The following UMAD1 variants were observed in gnomAD, a reference collection of about 807,000 sequenced individuals.
The protein encoded by UMAD1 is UBAP1-MVB12-associated (UMA)-domain containing protein 1.
A neutral mutation model predicts 6.1 loss-of-function variants in UMAD1; 8 were observed. The observed-to-expected ratio is 1.30, with a 90% CI of 0.76 to 2.35. UMAD1 has a LOEUF of 2.35. Among genes scored for constraint, UMAD1 ranks in the 30% most tolerant of loss-of-function variants. UMAD1 has a pLI of 0.00. For synonymous variants in UMAD1, 56 were observed against 31.4 expected, an observed-to-expected ratio of 1.78 and a Z score of -2.61; for missense variants, 130 against 78.4, an observed-to-expected ratio of 1.66 and a Z score of -2.49.
intron 2 of UMAD1, among the ~76,000 whole-genome samples, chr7:7,763,845 G>A (rs1223463957): frequency 6.6e-6 from 1 of 152,172 alleles, no homozygotes; most frequent in African/African-American, 2.4e-5. Context: ...AAATAATACA[G>A]CCTCTAGGAA....
At chr7:7,803,770 C>T (rs112542422) in intron 3 of UMAD1, among the ~76,000 whole-genome samples, 1 of 151,892 alleles carries the variant, frequency 6.6e-6, no homozygotes, top group Non-Finnish European at 1.5e-5. Context: ...CTCTTCAGCC[C>T]CTTATAAGGG....
intron 3 of UMAD1, among the ~76,000 whole-genome samples, chr7:7,845,032 G>A (rs1000774154): frequency 3.9e-5 from 6 of 152,054 alleles, no homozygotes; most frequent in African/African-American, 1.4e-4. Flanking sequence ...TTCTAGGGCT[G>A]CACTGTCCAA....
intron 3 of UMAD1, among the ~76,000 whole-genome samples, chr7:7,831,749 A>T (rs1783471359): frequency 1.3e-5 from 2 of 152,170 alleles, no homozygotes; most frequent in South Asian, 4.2e-4. Flanking sequence ...TTGTGAGATT[A>T]ATTAATGTTT....
intron 2 of UMAD1, among the ~76,000 whole-genome samples, chr7:7,761,110 A>G (rs1781880782): frequency 6.6e-6 from 1 of 152,130 alleles, no homozygotes; most frequent in Non-Finnish European, 1.5e-5. Flanking sequence ...GACGCCTGTA[A>G]TCCTAGTACT....
At chr7:7,652,894 A>G (rs1476923486) in intron 1 of UMAD1, among the ~76,000 whole-genome samples, 2 of 152,236 alleles carry the variant, frequency 1.3e-5, no homozygotes, top group African/African-American at 4.8e-5. Flanking sequence ...GTTGAATGTG[A>G]TGGCTTCTAT....
intron 3 of UMAD1, among the ~76,000 whole-genome samples, chr7:7,851,231 A>T (rs531385431): frequency 1.3e-5 from 2 of 152,144 alleles, no homozygotes; most frequent in East Asian, 3.9e-4. Context: ...GCAGTACTCC[A>T]TTCCTTCTCA....
intron 2 of UMAD1, among the ~76,000 whole-genome samples, chr7:7,728,967 G>A (rs751234227): frequency 1.3e-5 from 2 of 152,144 alleles, no homozygotes; most frequent in Non-Finnish European, 2.9e-5. Flanking sequence ...TTACATATAC[G>A]ACAACCTAAA....
chr7:7,786,662 A>G (rs1281672748), intron 2 of UMAD1, among the ~76,000 whole-genome samples: 3 of 152,036 alleles, frequency 2.0e-5, no homozygotes, highest in Admixed American at 1.3e-4. Context: ...CACTGAATTT[A>G]TTATCAGTTT....
chr7:7,642,963 TTTTG>T (rs1211282639), intron 1 of UMAD1, among the ~76,000 whole-genome samples: 3 of 152,206 alleles, frequency 2.0e-5, no homozygotes, highest in Non-Finnish European at 2.9e-5. Flanking sequence ...TTCTGACTTC[TTTTG>T]TTTGTTTTTG....
chr7:7,779,548 C>G (rs1310322811), intron 2 of UMAD1, among the ~76,000 whole-genome samples: 2 of 152,154 alleles, frequency 1.3e-5, no homozygotes, highest in African/African-American at 2.4e-5. Flanking sequence ...TAAGACCATC[C>G]TTCCACTTTA....
At chr7:7,733,844 A>G (rs2115194835) in intron 2 of UMAD1, among the ~76,000 whole-genome samples, 1 of 152,098 alleles carries the variant, frequency 6.6e-6, no homozygotes, top group South Asian at 2.1e-4. Flanking sequence ...ACATATTTTT[A>G]AAATTGATTA....
intron 2 of UMAD1, among the ~76,000 whole-genome samples, chr7:7,757,722 A>G (rs1781804482): frequency 6.6e-6 from 1 of 152,208 alleles, no homozygotes; most frequent in Non-Finnish European, 1.5e-5. Context: ...CTCTGAAATG[A>G]ACATGGTAGC....
chr7:7,730,580 C>G (rs1242151211), intron 2 of UMAD1, among the ~76,000 whole-genome samples: 3 of 152,190 alleles, frequency 2.0e-5, no homozygotes, highest in Non-Finnish European at 4.4e-5. Context: ...CACGTATAAG[C>G]CCTTCAAAAG....
chr7:7,641,234 A>G (rs1784964803), intron 1 of UMAD1: 1 of 152,148 alleles, frequency 6.6e-6, no homozygotes, highest in South Asian at 2.1e-4. Flanking sequence ...CAACCTGGCC[A>G]CACTGCGGAG....
At chr7:7,661,522 G>C (rs1563095369) in intron 1 of UMAD1, among the ~76,000 whole-genome samples, 1 of 152,154 alleles carries the variant, frequency 6.6e-6, no homozygotes, top group Non-Finnish European at 1.5e-5. Context: ...TGATGTTGAT[G>C]CTCCTCCTTT....
intron 1 of UMAD1, among the ~76,000 whole-genome samples, chr7:7,650,554 C>T (rs1297018596): frequency 6.6e-6 from 1 of 152,142 alleles, no homozygotes; most frequent in Non-Finnish European, 1.5e-5. Flanking sequence ...GGCTGCAGGA[C>T]AGTGTGAATG....
intron 3 of UMAD1, among the ~76,000 whole-genome samples, chr7:7,852,187 G>A (rs550435568): frequency 7.2e-5 from 11 of 152,238 alleles, no homozygotes; most frequent in African/African-American, 2.6e-4. Context: ...CCGCAGATAC[G>A]TGGCTTTATT....
At chr7:7,736,207 C>T (rs1251586128) in intron 2 of UMAD1, 1 of 152,240 alleles carries the variant, frequency 6.6e-6, no homozygotes, top group Non-Finnish European at 1.5e-5. Flanking sequence ...ATAAATGTTG[C>T]ATATTATGAC....
chr7:7,843,464 C>T (rs568014401), intron 3 of UMAD1, among the ~76,000 whole-genome samples: 1 of 152,154 alleles, frequency 6.6e-6, no homozygotes, highest in Non-Finnish European at 1.5e-5. Flanking sequence ...GTGTACCTCC[C>T]TGTTTATTTG....
Sources: gnomAD v4.1 joint callset for allele counts (sites outside exome capture counted in the v4.1 genomes callset) on GRCh38, gnomAD v4.1.1 for gene constraint, MANE v1.5 for transcripts, NCBI Gene and HGNC (gene_info 2026-07-23, HGNC 2026-07-21) for gene names.